Variants in USP47 observed in about 807,000 individuals in gnomAD.
USP47 encodes the protein ubiquitin specific peptidase 47, also known as ubiquitin carboxyl-terminal hydrolase 47.
A neutral mutation model predicts 165.1 loss-of-function variants in USP47; 35 were observed. The ratio of observed to expected loss-of-function variants is 0.21; its 90% CI spans 0.16 to 0.28. The LOEUF (loss-of-function observed/expected upper bound fraction) is 0.28. Ranked by LOEUF, USP47 falls within the 10% of genes least tolerant of loss-of-function variation. The pLI is 1.00. For synonymous variants in USP47, 531 were observed against 544.5 expected (o/e 0.98, Z 0.35); for missense variants, 1,277 against 1,607.4 (o/e 0.79, Z 3.52).
chr11:11,842,376 T>C, intron 1 of USP47, 152 bp downstream of exon 1: 2 of 879,958 alleles, frequency 2.3e-6, no homozygotes, highest in South Asian at 4.0e-5. Flanking sequence ...GGACGGTGGG[T>C]GCGGCGAGCA....
At chr11:11,871,569 T>TG (rs1353888948) in intron 1 of USP47, among the ~76,000 whole-genome samples, 1 of 138,270 alleles carries the variant, frequency 7.2e-6, no homozygotes, top group African/African-American at 2.6e-5. Flanking sequence ...CTAAGTGAGC[T>TG]CCAGGGATTC....
At chr11:11,874,408 A>G (rs1214811311) in intron 1 of USP47, among the ~76,000 whole-genome samples, 1 of 152,202 alleles carries the variant, frequency 6.6e-6, no homozygotes, top group African/African-American at 2.4e-5. Context: ...AAGATCATGT[A>G]GATAACATCA....
chr11:11,948,868 C>A, intron 22 of USP47: 1 of 233,198 alleles, frequency 4.3e-6, no homozygotes, highest in Non-Finnish European at 8.3e-6. Context: ...AGTGTTGCTA[C>A]AAATGCTGAA....
At position 11,922,876 on chromosome 11, in the gene USP47, A is replaced by G. The variant is rs61758373; in HGVS notation, c.1371A>G (p.Lys457=). The G allele has an allele frequency of 1.0e-3, 1,681 of 1,609,594 alleles. 5 individuals are homozygous for G. The highest frequency in any genetic ancestry group is 1.3e-3 in the Non-Finnish European group (1,528 of 1,177,408). Residue 457 remains lysine (K), a synonymous_variant, in exon 11 of 28, where the codon AAA becomes AAG. Coordinates refer to ENST00000527733, the MANE Select transcript of USP47 (RefSeq NM_001282659.2). ...ATAGTGGAACTGAAAAGATCTCAAA[A>G]TCTGGACTTGAAAAGGTACCTTTTA... The part of the protein sequence containing the change: ...ETNSGTEKIS[K]SGLEKNSLIY...
chr11:11,877,819 G>C (rs866939168), intron 1 of USP47, among the ~76,000 whole-genome samples: 2,507 of 43,896 alleles, frequency 0.057, 68 homozygotes, highest in African/African-American at 0.18. Context: ...GTGTGTGTGT[G>C]TGTGTGTGTG....
chr11:11,914,285 AAAGC>A (rs1419122610), intron 8 of USP47, among the ~76,000 whole-genome samples: 3 of 152,144 alleles, frequency 2.0e-5, no homozygotes, highest in Non-Finnish European at 2.9e-5. Flanking sequence ...CTGAGACACA[AAAGC>A]AAGTCAATGG....
Position 11,841,981 on chromosome 11 carries a change from G to T in USP47, c.-205G>T. 1.9e-6 allele frequency: 1 copy of T among 529,450 alleles called. No individual in the cohort carries two copies. The highest frequency in any genetic ancestry group is 2.8e-5 in the South Asian group (1 of 35,710). 32.8% of individuals were successfully genotyped at this position (529,450 alleles called of 1,614,324 possible). On this transcript the variant is annotated 5_prime_UTR_variant, in exon 1 of 28. Transcript: ENST00000527733. ...TGGGGGAGGGGCCGACGACGAAGGC[G>T]GCTGTGGTAGCGGCGGCGGCGGCGG...
intron 8 of USP47, among the ~76,000 whole-genome samples, chr11:11,909,788 G>A (rs979305360): frequency 1.3e-5 from 2 of 152,166 alleles, no homozygotes; most frequent in East Asian, 3.8e-4. Context: ...TAAAAGACTT[G>A]TTTCCTAAGT....
intron 3 of USP47, 129 bp from the exon 4 acceptor site, chr11:11,891,839 G>C (rs78720399): frequency 0.061 from 68,246 of 1,119,116 alleles, 2,472 homozygotes; most frequent in Middle Eastern, 0.11. Flanking sequence ...CACTTTGGAA[G>C]GGGGCATGAG....
intron 2 of USP47, among the ~76,000 whole-genome samples, chr11:11,882,293 CT>C (rs1850882470): frequency 6.6e-6 from 1 of 152,134 alleles, no homozygotes; most frequent in Non-Finnish European, 1.5e-5. Flanking sequence ...AAAAATACCT[CT>C]AACAGTCAGT....
chr11:11,873,731 C>A, intron 1 of USP47: 2 of 909,852 alleles, frequency 2.2e-6, no homozygotes, highest in Non-Finnish European at 3.0e-6. Flanking sequence ...TAATTGTTCT[C>A]ATTTCACTGT....
At chr11:11,851,609 A>G (rs1848732725) in intron 1 of USP47, among the ~76,000 whole-genome samples, 1 of 152,226 alleles carries the variant, frequency 6.6e-6, no homozygotes, top group Non-Finnish European at 1.5e-5. Context: ...TTAGTATAAT[A>G]TTATTAACTA....
At chr11:11,955,273 A>G in intron 27 of USP47, 109 bp downstream of exon 27, 2 of 1,340,666 alleles carry the variant, frequency 1.5e-6, no homozygotes, top group Non-Finnish European at 2.0e-6. Context: ...AGCGGCACTA[A>G]CCGGTAGAAA....
At chr11:11,874,562 CTT>C (rs563500431) in intron 1 of USP47, among the ~76,000 whole-genome samples, 11 of 144,960 alleles carry the variant, frequency 7.6e-5, no homozygotes, top group African/African-American at 7.6e-5. Context: ...GAAGCTGATA[CTT>C]TTTTTTTTTT....
rs571067571 is a variant in USP47, at chr11:11,961,565, G to A, written c.*5390G>A. Among the ~76,000 whole-genome samples, 4 of 152,300 alleles carry A rather than the reference G, an allele frequency of 2.6e-5. No individual in the cohort carries two copies. In the South Asian group the frequency reaches 8.3e-4, roughly 32 times the overall value. ...GCCTCCAGAGGAATGCAGCCCTGTT[G>A]ATCACATGATCACCAGATGGCTGCC... On this transcript the variant is annotated 3_prime_UTR_variant, in exon 28 of 28. Coordinates refer to ENST00000527733, the MANE Select transcript of USP47 (RefSeq NM_001282659.2).
chr11:11,930,564 G>A (rs1446723162), intron 13 of USP47, 132 bp from the exon 14 acceptor site: 2 of 698,138 alleles, frequency 2.9e-6, no homozygotes, highest in Non-Finnish European at 4.8e-6. Context: ...TTAAATCTCA[G>A]TGTGTCTGTG....
intron 11 of USP47, among the ~76,000 whole-genome samples, chr11:11,927,635 A>G (rs182818384): frequency 6.6e-6 from 1 of 152,150 alleles, no homozygotes; most frequent in East Asian, 1.9e-4. Flanking sequence ...CATTTGCTAC[A>G]TTTTGGAGGA....
intron 25 of USP47, among the ~76,000 whole-genome samples, chr11:11,953,736 A>G (rs1200640219): frequency 6.6e-6 from 1 of 152,252 alleles, no homozygotes; most frequent in African/African-American, 2.4e-5. Context: ...GGCAATTTAT[A>G]GAAAAAGAAA....
chr11:11,928,856 T>G (rs938027719), intron 11 of USP47, among the ~76,000 whole-genome samples: 29 of 152,078 alleles, frequency 1.9e-4, no homozygotes, highest in African/African-American at 7.0e-4. Flanking sequence ...AGTTCCAAAC[T>G]TTAAAGAATT....
Sources: allele counts gnomAD v4.1 joint callset (sites outside exome capture counted in the v4.1 genomes callset), GRCh38; gene constraint gnomAD v4.1.1; transcripts MANE v1.5; gene names NCBI Gene and HGNC (gene_info 2026-07-23, HGNC 2026-07-21).